DNAJC21: variants seen among roughly 807,000 people sequenced by gnomAD.
The protein encoded by DNAJC21 is DnaJ heat shock protein family (Hsp40) member C21.
In DNAJC21, 63 loss-of-function variants were observed where a neutral mutation model predicts 72.4. The observed-to-expected ratio is 0.87, with a 90% CI of 0.71 to 1.07. The LOEUF is 1.07. DNAJC21 is among the 50% of genes least tolerant of loss of function. The probability of loss-of-function intolerance (pLI) is 0.00; values close to 1 mark genes in which losing one functional copy is unlikely to be tolerated. For synonymous variants in DNAJC21, 203 were observed against 216.7 expected, an observed-to-expected ratio of 0.94 and a Z score of 0.56; for missense variants, 634 against 644.8, an observed-to-expected ratio of 0.98 and a Z score of 0.18.
At chr5:34,941,560 CTTTTTTT>C (rs765889955) in intron 7 of DNAJC21, among the ~76,000 whole-genome samples, 6 of 76,108 alleles carry the variant, frequency 7.9e-5, no homozygotes, top group Admixed American at 7.8e-4. Context: ...CTTGTGTTTT[CTTTTTTT>C]TTTTTTTTTT....
rs748031504 is a variant in DNAJC21 at position 34,929,844 on chromosome 5, G to T, written c.25G>T (p.Gly9Trp). The T allele has an allele frequency of 6.3e-7, 1 of 1,576,662 alleles. No homozygotes were observed. Among genetic ancestry groups the T allele is most frequent in the Non-Finnish European group, 8.6e-7 (1 of 1,162,346 alleles). MKCHYEAL[G>W]VRRDASEEEL... Reference sequence around the variant, plus strand: ...GATGAAGTGTCACTATGAGGCGCTGGGGGTGCGGCGCGACGCCAGCGAGGA... The same window carrying T: ...GATGAAGTGTCACTATGAGGCGCTGTGGGTGCGGCGCGACGCCAGCGAGGA... Residue 9 changes from glycine to tryptophan, a missense_variant, in exon 1 of 12, where the codon GGG (glycine) becomes TGG (tryptophan). Transcript: ENST00000648817.
rs752827802 is a variant in DNAJC21 at position 34,952,342 on chromosome 5, T to TTTTCAAAGCTGGCTGAATTCAGCCA, written c.1359-1584_1359-1583insTTTCAAAGCTGGCTGAATTCAGCCA. ...TTATGCCATTGTGTCCTTTTCTTGA[T>TTTTCAAAGCTGGCTGAATTCAGCCA]GTTTTCAAAGCTGGCTGAATCCTAC... On this transcript the variant is annotated intron_variant, in intron 10 of 11. Coordinates refer to ENST00000648817, the MANE Select transcript of DNAJC21 (RefSeq NM_001012339.3). 447 of 794,460 alleles carry TTTTCAAAGCTGGCTGAATTCAGCCA rather than the reference T, an allele frequency of 5.6e-4. 1 individual carries two copies. The highest frequency in any genetic ancestry group is 6.4e-4 in the Middle Eastern group (1 of 1,570). 49.2% of individuals were successfully genotyped at this position (794,460 alleles called of 1,614,324 possible). A position where few individuals can be genotyped will look rare whatever the true frequency, so the allele number is the denominator to read the frequency against.
At position 34,947,204 on chromosome 5, in the gene DNAJC21, T is replaced by C. The variant is rs535417671; in HGVS notation, c.1185+1401T>C. Among the ~76,000 whole-genome samples, 5 of 152,058 alleles carry C rather than the reference T, an allele frequency of 3.3e-5. No homozygotes were observed. The East Asian group carries it at 9.7e-4, about 29-fold the overall frequency. On this transcript the variant is annotated intron_variant, in intron 9 of 11. Transcript: ENST00000648817. ...CTCCCAGATTAAAACTGAATGTAAATAGAAAGAAATGACCCTGACTGACAG... is the reference window on the plus strand; with the variant it reads ...CTCCCAGATTAAAACTGAATGTAAACAGAAAGAAATGACCCTGACTGACAG...
At position 34,930,180 on chromosome 5, in the gene DNAJC21, G is replaced by A. The variant is rs1764538238; in HGVS notation, c.97+264G>A. 4 of 268,468 alleles carry A rather than the reference G, an allele frequency of 1.5e-5. No homozygotes were observed. In the Middle Eastern group the frequency reaches 3.5e-3, roughly 232 times the overall value. The allele number at this position is 268,468 out of a possible 1,614,324, so 16.6% of individuals were successfully genotyped here. A position where few individuals can be genotyped will look rare whatever the true frequency, so the allele number is the denominator to read the frequency against. On this transcript the variant is annotated intron_variant, in intron 1 of 11. Coordinates refer to ENST00000648817, the MANE Select transcript of DNAJC21 (RefSeq NM_001012339.3). ...TCGCCACTGTAGGGGGAAAACTGCA[G>A]TCCAACAACCTCACTTGCTCCCGCT... is the stretch of plus-strand genomic sequence containing the variant.
Position 34,956,806 on chromosome 5 carries a change from T to TG in DNAJC21, c.*2093dup, listed in dbSNP as rs1765549471. The stretch of plus-strand genomic sequence containing the variant: ...TGTGACTGGAAGCTGACCTTAGTCT[T>TG]GCGTCTCATCCTTTATGATGTTGAG... On this transcript the variant is annotated 3_prime_UTR_variant, in exon 12 of 12. Transcript: ENST00000648817. 1 of 152,232 alleles carries TG rather than the reference T, an allele frequency of 6.6e-6. No homozygotes were observed. The highest frequency in any genetic ancestry group is 2.4e-5 in the African/African-American group (1 of 41,466). The allele number at this position is 152,232 out of a possible 1,614,324, so 9.4% of individuals were successfully genotyped here.
At position 34,952,123 on chromosome 5, in the gene DNAJC21, A is replaced by G. The variant is rs1034375384; in HGVS notation, c.1358+1781A>G. The G allele has an allele frequency of 5.8e-4, 547 of 946,936 alleles. 3 individuals carry two copies. The African/African-American group carries it at 8.2e-3, about 14-fold the overall frequency. 58.7% of individuals were successfully genotyped at this position (946,936 alleles called of 1,614,324 possible). ...CTACTGAGAAGTGTTTTTTTAAAAA[A>G]TGTGTGTGTGTGTGTGTGTGTGTGT... is the stretch of plus-strand genomic sequence containing the variant. On this transcript the variant is annotated intron_variant, in intron 10 of 11. Coordinates refer to ENST00000648817, the MANE Select transcript of DNAJC21 (RefSeq NM_001012339.3).
Position 34,935,701 on chromosome 5 carries a change from G to A in DNAJC21, c.192-9G>A, listed in dbSNP as rs1042594865. 2 of 1,613,386 alleles carry A rather than the reference G, an allele frequency of 1.2e-6. No individual in the cohort carries two copies. Among genetic ancestry groups the A allele is most frequent in the African/African-American group, 2.7e-5 (2 of 74,868 alleles). Reference sequence around the variant, plus strand: ...AGCCTTCACAATGATGCTAATTTTTGTTTTTCAGGTATGATAATCATAGAG... The same window carrying A: ...AGCCTTCACAATGATGCTAATTTTTATTTTTCAGGTATGATAATCATAGAG... On this transcript the variant is annotated splice_polypyrimidine_tract_variant and intron_variant, in intron 2 of 11. Coordinates refer to ENST00000648817, the MANE Select transcript of DNAJC21 (RefSeq NM_001012339.3).
At position 34,951,932 on chromosome 5, in the gene DNAJC21, A is replaced by T. The variant is rs752302570; in HGVS notation, c.1358+1590A>T. ...CTAATTTCACTGATGTGAGGAAAGGATTCAGAGAATTCAAGTGACTTCTTC... is the reference window on the plus strand; with the variant it reads ...CTAATTTCACTGATGTGAGGAAAGGTTTCAGAGAATTCAAGTGACTTCTTC... On this transcript the variant is annotated intron_variant, in intron 10 of 11. Transcript: ENST00000648817. 1.6e-4 allele frequency: 155 copies of T among 985,488 alleles called. No individual in the cohort carries two copies. In the Middle Eastern group the frequency reaches 2.6e-3, roughly 17 times the overall value. 61.0% of individuals were successfully genotyped at this position (985,488 alleles called of 1,614,324 possible).
chr5:34,933,298 A>G (rs1246756154), intron 1 of DNAJC21, among the ~76,000 whole-genome samples: 1 of 151,912 alleles, frequency 6.6e-6, no homozygotes, highest in Non-Finnish European at 1.5e-5. Flanking sequence ...TATTTTATTC[A>G]TTTTAGAGAT....
At position 34,929,739 on chromosome 5, in the gene DNAJC21, C is replaced by A; in HGVS notation, c.-81C>A. On this transcript the variant is annotated 5_prime_UTR_variant, in exon 1 of 12. Coordinates refer to ENST00000648817, the MANE Select transcript of DNAJC21 (RefSeq NM_001012339.3). ...TCCCGCCGGAGAGGACTGCCAGCGC[C>A]GCCGCCGCCGCCGCTTCGGCCCGGG... 1.5e-6 allele frequency: 1 copy of A among 676,698 alleles called. No homozygotes were observed. The highest frequency in any genetic ancestry group is 6.3e-5 in the South Asian group (1 of 15,806). The allele number at this position is 676,698 out of a possible 1,614,324, so 41.9% of individuals were successfully genotyped here. A position where few individuals can be genotyped will look rare whatever the true frequency, so the allele number is the denominator to read the frequency against.
At chr5:34,936,111 T>G in intron 3 of DNAJC21, 33 bp from the exon 4 acceptor site, 1 of 1,591,008 alleles carries the variant, frequency 6.3e-7, no homozygotes, top group Non-Finnish European at 8.5e-7. Flanking sequence ...GCTGCAAAAG[T>G]ATTAAGAATT....
At chr5:34,939,106 A>G in intron 6 of DNAJC21, 97 bp downstream of exon 6, 2 of 1,110,538 alleles carry the variant, frequency 1.8e-6, no homozygotes, top group Non-Finnish European at 1.3e-6. Flanking sequence ...AAATGTGGCA[A>G]ATAATTAAAA....
chr5:34,954,742 G>T lies in DNAJC21; in HGVS notation c.*28G>T, dbSNP rs375773958. 6 of 1,524,578 alleles carry T rather than the reference G, an allele frequency of 3.9e-6. No individual in the cohort carries two copies. In the African/African-American group the frequency reaches 8.4e-5, roughly 21 times the overall value. 94.4% of individuals were successfully genotyped at this position (1,524,578 alleles called of 1,614,324 possible). A position where few individuals can be genotyped will look rare whatever the true frequency, so the allele number is the denominator to read the frequency against. ...ATTCTGCCTGTGCTTTTGTTTGACTGTCTCTAGATTTTGAAACCAAAAAAC... is the reference window on the plus strand; with the variant it reads ...ATTCTGCCTGTGCTTTTGTTTGACTTTCTCTAGATTTTGAAACCAAAAAAC... On this transcript the variant is annotated 3_prime_UTR_variant, in exon 12 of 12. Transcript: ENST00000648817.
At chr5:34,953,779 G>T (rs549059696) in intron 10 of DNAJC21, 147 bp from the exon 11 acceptor site, 619 of 447,062 alleles carry the variant, frequency 1.4e-3, no homozygotes, top group Admixed American at 2.2e-3. Context: ...CATTTAAGAT[G>T]TAAAGATTAT....
Position 34,941,192 on chromosome 5 carries a change from ATTAAT to A in DNAJC21, c.983+27_983+31del. On this transcript the variant is annotated intron_variant, in intron 7 of 11. Transcript: ENST00000648817. ...TTCAAGACAGAAAAGGCGTAAGTTT[ATTAAT>A]TTAATTTAATTTAATTTTGAGACAG... 11 of 1,611,126 alleles carry A rather than the reference ATTAAT, an allele frequency of 6.8e-6. No homozygotes were observed. Among genetic ancestry groups the A allele is most frequent in the African/African-American group, 4.0e-5 (3 of 74,894 alleles).
intron 1 of DNAJC21, among the ~76,000 whole-genome samples, chr5:34,930,880 A>G (rs566858490): frequency 3.3e-5 from 5 of 152,364 alleles, no homozygotes; most frequent in African/African-American, 1.2e-4. Context: ...AAAAATCGCA[A>G]CATACATAAT....
intron 4 of DNAJC21, among the ~76,000 whole-genome samples, chr5:34,936,819 C>T (rs1286652782): frequency 6.6e-6 from 1 of 152,148 alleles, no homozygotes. Flanking sequence ...GGCACCACCT[C>T]AGCTCACTGC....
Position 34,954,542 on chromosome 5 carries a change from G to A in DNAJC21, c.1435-11G>A. The A allele has an allele frequency of 1.9e-6, 3 of 1,582,314 alleles. No homozygotes were observed. Among genetic ancestry groups the A allele is most frequent in the Non-Finnish European group, 2.6e-6 (3 of 1,168,202 alleles). Reference sequence around the variant, plus strand: ...CGCTTACTTTTATTTATGATTTTTTGCCCTTCTCAGAGTGTTCTTATCAGC... The same window carrying A: ...CGCTTACTTTTATTTATGATTTTTTACCCTTCTCAGAGTGTTCTTATCAGC... On this transcript the variant is annotated splice_polypyrimidine_tract_variant and intron_variant, in intron 11 of 11. Transcript: ENST00000648817.
In DNAJC21 at chr5:34,957,895, G is replaced by C. The variant is rs754781499; in HGVS notation, c.*3181G>C. ...TCTGTTCCCTATAATCTGCAATGCT[G>C]AAGTATCTCTATTCAATTCCCTTCC... is the stretch of plus-strand genomic sequence containing the variant. On this transcript the variant is annotated 3_prime_UTR_variant, in exon 12 of 12. Coordinates refer to ENST00000648817, the MANE Select transcript of DNAJC21 (RefSeq NM_001012339.3). 10 of 152,214 alleles carry C rather than the reference G, an allele frequency of 6.6e-5. No homozygotes were observed. Among genetic ancestry groups the C allele is most frequent in the Non-Finnish European group, 1.0e-4 (7 of 68,040 alleles). 9.4% of individuals were successfully genotyped at this position (152,214 alleles called of 1,614,324 possible). A position where few individuals can be genotyped will look rare whatever the true frequency, so the allele number is the denominator to read the frequency against.
Sources: gnomAD v4.1 joint callset for allele counts (sites outside exome capture counted in the v4.1 genomes callset) on GRCh38, gnomAD v4.1.1 for gene constraint, MANE v1.5 for transcripts, NCBI Gene and HGNC (gene_info 2026-07-23, HGNC 2026-07-21) for gene names.